FANK1: variants seen among roughly 807,000 people sequenced by gnomAD.
The protein encoded by FANK1 is fibronectin type III and ankyrin repeat domains 1.
A neutral mutation model predicts 45.3 loss-of-function variants in FANK1; 44 were observed. That is an observed-to-expected ratio of 0.97 (90% CI 0.76 to 1.25). The LOEUF (loss-of-function observed/expected upper bound fraction) is 1.25, where lower values mean the gene tolerates loss of function less well. FANK1 is among the 50% of genes most tolerant of loss of function. The pLI, the probability that FANK1 is intolerant of heterozygous loss-of-function variation, is 0.00. For synonymous variants in FANK1, 149 were observed against 152.5 expected, an observed-to-expected ratio of 0.98 and a Z score of 0.17; for missense variants, 391 against 424.4, an observed-to-expected ratio of 0.92 and a Z score of 0.69.
At position 125,969,770 on chromosome 10, in the gene FANK1, G is replaced by A. The variant is rs536686891; in HGVS notation, c.14-10391G>A. ...CTGGTTTTCCTAGGCAGAGGACCCT[G>A]TGGCCTTCCCCAGTGTTTGTGTCCC... is the stretch of plus-strand genomic sequence containing the variant. On this transcript the variant is annotated intron_variant, in intron 1 of 10. Coordinates refer to ENST00000368693, the MANE Select transcript of FANK1 (RefSeq NM_145235.5). Among the ~76,000 whole-genome samples, 298 of 152,282 alleles carry A rather than the reference G, an allele frequency of 2.0e-3. 1 individual carries two copies. The highest frequency in any genetic ancestry group is 6.6e-3 in the African/African-American group (274 of 41,570).
chr10:125,973,314 C>A, intron 1 of FANK1: 2 of 389,666 alleles, frequency 5.1e-6, no homozygotes, highest in Non-Finnish European at 7.0e-6. Context: ...TACTTGTTGG[C>A]TTCTGGTTAT....
chr10:125,970,016 G>T (rs1175911720), intron 1 of FANK1, among the ~76,000 whole-genome samples: 1 of 152,220 alleles, frequency 6.6e-6, no homozygotes, highest in African/African-American at 2.4e-5. Flanking sequence ...AGTCTCCTAT[G>T]TTTACTTCTT....
Position 126,009,411 on chromosome 10 carries a change from G to A in FANK1, c.1011G>A (p.Gln337=), listed in dbSNP as rs1160873527. The A allele has an allele frequency of 2.5e-6, 4 of 1,614,146 alleles. No homozygotes were observed. The highest frequency in any genetic ancestry group is 1.6e-4 in the Middle Eastern group (1 of 6,062). ...TATTAGAAGAAAGGAAAAAAAAGCA[G>A]AGGCCAAAGAAGTCTTGTGTCTGCT... ...VSLLEERKKK[Q]RPKKSCVC Residue 337 remains glutamine, a synonymous_variant, in exon 11 of 11, where the codon CAG becomes CAA. Transcript: ENST00000368693.
At chr10:125,953,376 T>C (rs1949376197) in intron 1 of FANK1, among the ~76,000 whole-genome samples, 1 of 152,182 alleles carries the variant, frequency 6.6e-6, no homozygotes, top group African/African-American at 2.4e-5. Context: ...AGACTTTGCT[T>C]TCCAGACCTC....
chr10:126,007,343 G>C (rs2133357038), intron 7 of FANK1, among the ~76,000 whole-genome samples: 1 of 152,268 alleles, frequency 6.6e-6, no homozygotes, highest in East Asian at 1.9e-4. Context: ...TAACGTTTAG[G>C]ACCAAAAGAG....
chr10:125,903,746 A>G (rs896644100), intron 1 of FANK1, among the ~76,000 whole-genome samples: 1 of 152,134 alleles, frequency 6.6e-6, no homozygotes, highest in Non-Finnish European at 1.5e-5. Context: ...CTACTGAAGT[A>G]ATTCACCCTA....
At chr10:125,955,620 AC>A (rs760229609) in intron 1 of FANK1, among the ~76,000 whole-genome samples, 1 of 152,094 alleles carries the variant, frequency 6.6e-6, no homozygotes, top group African/African-American at 2.4e-5. Context: ...AGCTGGGACT[AC>A]AGGTGTATGC....
At chr10:125,924,134 A>T (rs1256935103) in intron 1 of FANK1, among the ~76,000 whole-genome samples, 1 of 151,770 alleles carries the variant, frequency 6.6e-6, no homozygotes, top group East Asian at 1.9e-4. Context: ...AAAACCCACA[A>T]GTTTTAGCTT....
intron 1 of FANK1, among the ~76,000 whole-genome samples, chr10:125,963,756 G>C (rs148087039): frequency 6.6e-6 from 1 of 152,204 alleles, no homozygotes; most frequent in African/African-American, 2.4e-5. Flanking sequence ...GGTGTGGGTA[G>C]GGGGGAGGGA....
chr10:125,995,847 G>A (rs1952288689), intron 4 of FANK1, among the ~76,000 whole-genome samples: 1 of 152,180 alleles, frequency 6.6e-6, no homozygotes, highest in East Asian at 1.9e-4. Flanking sequence ...GATGAAACAA[G>A]GGACTCGCCA....
chr10:125,945,302 C>T (rs1238637116), intron 1 of FANK1, among the ~76,000 whole-genome samples: 2 of 152,214 alleles, frequency 1.3e-5, no homozygotes, highest in African/African-American at 4.8e-5. Context: ...GTGAGCGACG[C>T]AGAAGACGGG....
intron 1 of FANK1, among the ~76,000 whole-genome samples, chr10:125,953,818 C>A (rs1418339486): frequency 6.6e-6 from 1 of 152,154 alleles, no homozygotes; most frequent in Non-Finnish European, 1.5e-5. Flanking sequence ...TTCTGGGAGG[C>A]CTTTGTGTCT....
intron 1 of FANK1, among the ~76,000 whole-genome samples, chr10:125,908,076 A>T (rs1945690361): frequency 6.7e-6 from 1 of 149,750 alleles, no homozygotes; most frequent in Non-Finnish European, 1.5e-5. Flanking sequence ...GGCTCACTAC[A>T]ACCTCTGCCT....
At chr10:125,985,118 G>A (rs181666926) in intron 2 of FANK1, among the ~76,000 whole-genome samples, 1 of 152,198 alleles carries the variant, frequency 6.6e-6, no homozygotes, top group Non-Finnish European at 1.5e-5. Flanking sequence ...TCCCTTTCCA[G>A]GGGTTATGGA....
intron 1 of FANK1, among the ~76,000 whole-genome samples, chr10:125,951,629 C>G (rs1316399648): frequency 6.6e-6 from 1 of 152,178 alleles, no homozygotes; most frequent in Non-Finnish European, 1.5e-5. Flanking sequence ...TGTTGGTGAT[C>G]ATGATTCTTA....
At chr10:125,932,431 A>G (rs1454293439) in intron 1 of FANK1, among the ~76,000 whole-genome samples, 2 of 152,078 alleles carry the variant, frequency 1.3e-5, no homozygotes, top group Non-Finnish European at 2.9e-5. Flanking sequence ...TTGGTTAGGT[A>G]TATTCCTAAG....
intron 2 of FANK1, among the ~76,000 whole-genome samples, chr10:125,981,520 T>C (rs950226231): frequency 1.4e-5 from 2 of 145,330 alleles, no homozygotes; most frequent in Admixed American, 6.8e-5. Context: ...AAAAAAGTTA[T>C]GTTTTTCTTC....
chr10:125,953,051 A>T (rs768300455), intron 1 of FANK1, among the ~76,000 whole-genome samples: 3 of 152,192 alleles, frequency 2.0e-5, no homozygotes, highest in African/African-American at 7.2e-5. Context: ...TTGCATGTGC[A>T]TTGGAATGAC....
At chr10:125,953,154 C>G (rs141679142) in intron 1 of FANK1, among the ~76,000 whole-genome samples, 215 of 152,298 alleles carry the variant, frequency 1.4e-3, no homozygotes, top group African/African-American at 5.0e-3. Context: ...CCATTTCTAG[C>G]CAGTTCCCAG....
Sources: gnomAD v4.1 joint callset for allele counts (sites outside exome capture counted in the v4.1 genomes callset) on GRCh38, gnomAD v4.1.1 for gene constraint, MANE v1.5 for transcripts, NCBI Gene and HGNC (gene_info 2026-07-23, HGNC 2026-07-21) for gene names.